Variants in CDC42EP4 observed in about 807,000 individuals in gnomAD.
CDC42EP4 encodes the protein CDC42 effector protein (Rho GTPase binding) 4.
In CDC42EP4, 6 loss-of-function variants were observed where a neutral mutation model predicts 5.6. The ratio of observed to expected loss-of-function variants is 1.07; its 90% CI spans 0.59 to 2.12. CDC42EP4 has a LOEUF of 2.12. Ranked by LOEUF, CDC42EP4 falls within the 30% of genes most tolerant of loss-of-function variation. The probability of loss-of-function intolerance (pLI) is 0.00; values close to 1 mark genes in which losing one functional copy is unlikely to be tolerated. For missense variants in CDC42EP4, 490 were observed against 508.6 expected (o/e 0.96, Z 0.35); for synonymous variants, 230 against 224.2 (o/e 1.03, Z -0.23).
chr17:73,311,384 C>T (rs559637583), intron 1 of CDC42EP4: 1 of 152,398 alleles, frequency 6.6e-6, no homozygotes, highest in African/African-American at 2.4e-5. Context: ...ACGCCTCTGC[C>T]CGTACAGGCG....
chr17:73,310,793 ACG>A (rs1203712081), intron 1 of CDC42EP4: 15 of 129,448 alleles, frequency 1.2e-4, no homozygotes, highest in African/African-American at 4.4e-4. Context: ...ACACACACAC[ACG>A]CACTTCAGTC....
chr17:73,294,471 G>A (rs73996143), intron 1 of CDC42EP4, among the ~76,000 whole-genome samples: 2,013 of 152,252 alleles, frequency 0.013, 44 homozygotes, highest in African/African-American at 0.045. Flanking sequence ...ATACCTGGGT[G>A]TGGAGGGATC....
Position 73,286,327 on chromosome 17 carries a change from G to GC in CDC42EP4, c.173dup (p.Glu59ArgfsTer43). On this transcript the variant is annotated frameshift_variant, in exon 2 of 2. Coordinates refer to ENST00000335793, the MANE Select transcript of CDC42EP4 (RefSeq NM_012121.5). LOFTEE classifies it low-confidence loss of function (END_TRUNC). The surrounding 1 kb of genome is among the most constrained non-coding windows in gnomAD (Gnocchi z 7.7). ...CGTCCAAGGACTCGCCGTCGGGCTC[G>GC]CCAGCCTTGCTATTGAGGAAGGAGG... 1 of 1,614,178 alleles carries GC rather than the reference G, an allele frequency of 6.2e-7. No homozygotes were observed. The highest frequency in any genetic ancestry group is 8.5e-7 in the Non-Finnish European group (1 of 1,180,034).
intron 1 of CDC42EP4, among the ~76,000 whole-genome samples, chr17:73,289,413 T>C (rs1347055273): frequency 1.3e-5 from 2 of 152,104 alleles, no homozygotes; most frequent in Non-Finnish European, 2.9e-5. Context: ...TAACATTTTA[T>C]TTACAGACAA....
chr17:73,290,807 C>G (rs979066383), intron 1 of CDC42EP4, among the ~76,000 whole-genome samples: 2 of 152,194 alleles, frequency 1.3e-5, no homozygotes, highest in Non-Finnish European at 2.9e-5. Context: ...AACCCCCAGA[C>G]CCTGTGAGTG....
intron 1 of CDC42EP4, among the ~76,000 whole-genome samples, chr17:73,303,996 T>C (rs2062232490): frequency 6.6e-6 from 1 of 152,224 alleles, no homozygotes; most frequent in African/African-American, 2.4e-5. Flanking sequence ...CTAGTTTAAA[T>C]GGTGACTCAT....
rs534446092 is a variant in CDC42EP4 at position 73,308,365 on chromosome 17, T to G, written c.-113+3528A>C. Among the ~76,000 whole-genome samples the G allele has an allele frequency of 5.9e-5, 9 of 152,238 alleles. No homozygotes were observed. In the South Asian group the frequency reaches 1.7e-3, roughly 28 times the overall value. On this transcript the variant is annotated intron_variant, in intron 1 of 1. Coordinates refer to ENST00000335793, the MANE Select transcript of CDC42EP4 (RefSeq NM_012121.5). ...GGCGAGATTGCTCAACCCTTCTCCCTCCGCCCACAGGCCTTATCTCTGGCA... is the reference window on the plus strand; with the variant it reads ...GGCGAGATTGCTCAACCCTTCTCCCGCCGCCCACAGGCCTTATCTCTGGCA...
chr17:73,297,553 T>C (rs1023641927), intron 1 of CDC42EP4, among the ~76,000 whole-genome samples: 1 of 152,158 alleles, frequency 6.6e-6, no homozygotes, highest in African/African-American at 2.4e-5. Context: ...GTTACAACTC[T>C]ACACAAATAT....
At chr17:73,293,546 C>T (rs1223707603) in intron 1 of CDC42EP4, among the ~76,000 whole-genome samples, 1 of 152,174 alleles carries the variant, frequency 6.6e-6, no homozygotes. Context: ...ACAGGAGGGG[C>T]TGACATCCTA....
In CDC42EP4 at chr17:73,285,026, C is replaced by T. The variant is rs114823049; in HGVS notation, c.*404G>A. 2,814 of 155,724 alleles carry T rather than the reference C, an allele frequency of 0.018. 77 individuals are homozygous for T. The highest frequency in any genetic ancestry group is 0.063 in the African/African-American group (2,619 of 41,712). The allele number at this position is 155,724 out of a possible 1,614,324, so 9.6% of individuals were successfully genotyped here. On this transcript the variant is annotated 3_prime_UTR_variant, in exon 2 of 2. Coordinates refer to ENST00000335793, the MANE Select transcript of CDC42EP4 (RefSeq NM_012121.5). The surrounding 1 kb of genome is among the most constrained non-coding windows in gnomAD (Gnocchi z 6.8). ...AAACGCCAGCAGAGAAAATGGGAGC[C>T]GAGAGTCCTTAGCCCTGGAGCTGAG...
Position 73,286,073 on chromosome 17 carries a change from G to A in CDC42EP4, c.428C>T (p.Pro143Leu). The A allele has an allele frequency of 6.2e-7, 1 of 1,614,000 alleles. No homozygotes were observed. Among genetic ancestry groups the A allele is most frequent in the Non-Finnish European group, 8.5e-7 (1 of 1,180,028 alleles). Residue 143 changes from proline (P) to leucine (L), a missense_variant, in exon 2 of 2, where the codon CCC becomes CTC. Pro to Leu is a moderately conservative substitution (Grantham distance 98). Coordinates refer to ENST00000335793, the MANE Select transcript of CDC42EP4 (RefSeq NM_012121.5). The surrounding 1 kb of genome is among the most constrained non-coding windows in gnomAD (Gnocchi z 7.7). ...SKLPKSLSSS[P>L]VKKANDGEGG... ...CTCCCCGTCATTGGCCTTCTTCACGGGGCTGGATGACAGGCTCTTGGGCAG... is the reference window on the plus strand; with the variant it reads ...CTCCCCGTCATTGGCCTTCTTCACGAGGCTGGATGACAGGCTCTTGGGCAG...
chr17:73,309,538 G>C (rs2062262767), intron 1 of CDC42EP4, among the ~76,000 whole-genome samples: 1 of 152,074 alleles, frequency 6.6e-6, no homozygotes, highest in Admixed American at 6.6e-5. Context: ...GCAGGGTACA[G>C]AGGATGGGGA....
At chr17:73,307,896 C>T (rs2057878159) in intron 1 of CDC42EP4, among the ~76,000 whole-genome samples, 1 of 151,672 alleles carries the variant, frequency 6.6e-6, no homozygotes, top group African/African-American at 2.4e-5. Flanking sequence ...TGCACGCCAC[C>T]ATGCCCGGCT....
At chr17:73,296,205 G>C (rs1391719042) in intron 1 of CDC42EP4, among the ~76,000 whole-genome samples, 2 of 134,134 alleles carry the variant, frequency 1.5e-5, no homozygotes, top group East Asian at 4.3e-4. Context: ...CCAATATGGC[G>C]AAACCCTGTC....
chr17:73,298,433 G>T (rs903803157), intron 1 of CDC42EP4, among the ~76,000 whole-genome samples: 2 of 152,208 alleles, frequency 1.3e-5, no homozygotes, highest in Non-Finnish European at 2.9e-5. Flanking sequence ...ACCGGAGATC[G>T]GCCTATTTCC....
intron 1 of CDC42EP4, among the ~76,000 whole-genome samples, chr17:73,294,356 AAAAAC>A (rs937302214): frequency 7.5e-4 from 114 of 151,628 alleles, no homozygotes; most frequent in African/African-American, 2.6e-3. Context: ...TGTCTCAAAA[AAAAAC>A]AAACAAAGAA....
chr17:73,308,978 C>A (rs1398301100), intron 1 of CDC42EP4, among the ~76,000 whole-genome samples: 1 of 126,564 alleles, frequency 7.9e-6, no homozygotes, highest in East Asian at 2.5e-4. Flanking sequence ...GTGGAGGATG[C>A]AGTGAGCCAA....
At chr17:73,309,412 C>T (rs541027306) in intron 1 of CDC42EP4, among the ~76,000 whole-genome samples, 1 of 151,978 alleles carries the variant, frequency 6.6e-6, no homozygotes, top group Non-Finnish European at 1.5e-5. Context: ...GATTCCTCTC[C>T]CAGGTCAACA....
intron 1 of CDC42EP4, among the ~76,000 whole-genome samples, chr17:73,289,567 G>GA (rs202184801): frequency 1.6e-4 from 22 of 135,662 alleles, no homozygotes; most frequent in African/African-American, 2.6e-4. Context: ...ACCAGTAAAA[G>GA]AAAAAAAACC....
Sources: allele counts gnomAD v4.1 joint callset (sites outside exome capture counted in the v4.1 genomes callset), GRCh38; gene constraint gnomAD v4.1.1; non-coding constraint Gnocchi (gnomAD v3.1); transcripts MANE v1.5; gene names NCBI Gene and HGNC (gene_info 2026-07-23, HGNC 2026-07-21).